The following CABIN1 variants were observed in gnomAD, a reference collection of about 807,000 sequenced individuals.
The protein encoded by CABIN1 is calcineurin binding protein 1.
CABIN1 carries 133 observed loss-of-function variants against 227.7 expected under a neutral mutation model. That is an observed-to-expected ratio of 0.58 (90% CI 0.51 to 0.67). The LOEUF (loss-of-function observed/expected upper bound fraction) is 0.67. Ranked by LOEUF, CABIN1 falls within the 30% of genes least tolerant of loss-of-function variation. The probability of loss-of-function intolerance (pLI) is 0.00; values close to 1 mark genes in which losing one functional copy is unlikely to be tolerated. For synonymous variants in CABIN1, 1,086 were observed against 1,155.1 expected, an observed-to-expected ratio of 0.94 and a Z score of 1.21; for missense variants, 2,408 against 2,852.5, an observed-to-expected ratio of 0.84 and a Z score of 3.55.
intron 23 of CABIN1, among the ~76,000 whole-genome samples, chr22:24,089,827 G>C (rs1286370605): frequency 6.6e-6 from 1 of 152,210 alleles, no homozygotes; most frequent in African/African-American, 2.4e-5. Context: ...CAGTTCTCAG[G>C]CAAGGGGAAA....
In CABIN1 at chr22:24,098,038, G is replaced by A; in HGVS notation, c.3963G>A (p.Glu1321=). 1 of 1,614,160 alleles carries A rather than the reference G, an allele frequency of 6.2e-7. No individual in the cohort carries two copies. The highest frequency in any genetic ancestry group is 1.3e-5 in the African/African-American group (1 of 75,022). Residue 1321 remains glutamate (E), a synonymous_variant, in exon 26 of 37, where the codon GAG becomes GAA. Transcript: ENST00000263119. ...GGGAGAAGGCCTGCCTGGTGGACGA[G>A]GACTCCCACTCTTCAGCTGGGACAC... ...SEKEKACLVD[E]DSHSSAGTLP...
chr22:24,156,913 T>A (rs982284837), intron 29 of CABIN1, among the ~76,000 whole-genome samples: 1 of 152,116 alleles, frequency 6.6e-6, no homozygotes, highest in Non-Finnish European at 1.5e-5. Flanking sequence ...CCACGTCTTA[T>A]TTGGCAGGAG....
intron 29 of CABIN1, among the ~76,000 whole-genome samples, chr22:24,158,997 C>T (rs1285637887): frequency 1.3e-5 from 2 of 152,214 alleles, no homozygotes; most frequent in African/African-American, 2.4e-5. Context: ...TGGAATACTA[C>T]TTTTCTGGGC....
chr22:24,029,341 G>T (rs1180106003), intron 1 of CABIN1, among the ~76,000 whole-genome samples: 1 of 152,060 alleles, frequency 6.6e-6, no homozygotes, highest in African/African-American at 2.4e-5. Flanking sequence ...TGAGCTCAAG[G>T]GTTCAAGACC....
In CABIN1 at chr22:24,084,816, C is replaced by T. The variant is rs1258862010; in HGVS notation, c.3117+31C>T. On this transcript the variant is annotated intron_variant, in intron 21 of 36. Transcript: ENST00000263119. ...CCCACAACCTTGAGGACGTGGGGGA[C>T]AGGGCTGGGTCACACTCTTCCGCTC... The T allele has an allele frequency of 1.9e-6, 3 of 1,605,594 alleles. No individual in the cohort carries two copies. In the East Asian group the frequency reaches 6.7e-5, roughly 36 times the overall value.
chr22:24,085,524 A>G (rs1038385237), intron 22 of CABIN1, among the ~76,000 whole-genome samples: 5 of 152,164 alleles, frequency 3.3e-5, no homozygotes, highest in African/African-American at 1.2e-4. Flanking sequence ...TGCTGCTTCC[A>G]CTGCAGGCTT....
rs545285032 is a variant in CABIN1 at position 24,015,431 on chromosome 22, G to A, written c.-75+4064G>A. Among the ~76,000 whole-genome samples, 276 of 149,770 alleles carry A rather than the reference G, an allele frequency of 1.8e-3. 1 individual carries two copies. The highest frequency in any genetic ancestry group is 6.5e-3 in the African/African-American group (264 of 40,850). ...GCTATCTCGGCTCACTGCAAGCTCC[G>A]CCTCCCGGGTTCACGCCGTTCTGCT... On this transcript the variant is annotated intron_variant, in intron 1 of 36. Transcript: ENST00000263119.
intron 30 of CABIN1, 112 bp downstream of exon 30, chr22:24,164,675 A>T: frequency 8.3e-7 from 1 of 1,206,002 alleles, no homozygotes; most frequent in Non-Finnish European, 1.2e-6. Flanking sequence ...ACTGGCTGGG[A>T]GCCTGGACCA....
At chr22:24,096,870 C>T (rs1006134084) in intron 25 of CABIN1, among the ~76,000 whole-genome samples, 4 of 152,232 alleles carry the variant, frequency 2.6e-5, no homozygotes, top group South Asian at 2.1e-4. Flanking sequence ...GGGCACTGTG[C>T]GAAATTCAGC....
At chr22:24,076,105 C>A in intron 18 of CABIN1, 64 bp from the exon 19 acceptor site, 1 of 1,169,344 alleles carries the variant, frequency 8.6e-7, no homozygotes, top group Non-Finnish European at 1.3e-6. Context: ...CTGAGCCTCG[C>A]AGCCCCTGCA....
At chr22:24,011,576 C>CT in intron 1 of CABIN1, 1 of 152,376 alleles carries the variant, frequency 6.6e-6, no homozygotes. Flanking sequence ...CTCTCGCCGC[C>CT]GCCCTGAGGT....
Position 24,177,606 on chromosome 22 carries a change from C to T in CABIN1, c.6308C>T (p.Ala2103Val), listed in dbSNP as rs542688911. 14 of 1,611,816 alleles carry T rather than the reference C, an allele frequency of 8.7e-6. No individual in the cohort carries two copies. In the African/African-American group the frequency reaches 1.6e-4, roughly 18 times the overall value. ...CCCCCAACAGCTGCCAGCTCCAAGG[C>T]CCCCAGCAGTGGGAGTGCCCAGCCA... ...SSPPTAASSK[A>V]PSSGSAQPPE... The change falls in exon 36 of 37, where the codon GCC becomes GTC. Residue 2103 changes from alanine (A) to valine (V), a missense_variant. Around this residue, in one of 3 missense-constraint regions of CABIN1, gnomAD observed 714 missense variants for 773.8 expected, o/e 0.92. Coordinates refer to ENST00000263119, the MANE Select transcript of CABIN1 (RefSeq NM_012295.4). This position sits in a 1 kb window ranked among gnomAD's most constrained non-coding sequence, Gnocchi z 4.4.
At chr22:24,062,606 A>G (rs878866507) in intron 13 of CABIN1, among the ~76,000 whole-genome samples, 1 of 151,858 alleles carries the variant, frequency 6.6e-6, no homozygotes, top group Non-Finnish European at 1.5e-5. Context: ...TAATCCGCCC[A>G]CCTCAGCCTC....
At chr22:24,064,512 G>GTTTTTTTTTTTTTTTTTT (rs782268156) in intron 15 of CABIN1, among the ~76,000 whole-genome samples, 2 of 106,900 alleles carry the variant, frequency 1.9e-5, no homozygotes, top group Non-Finnish European at 1.8e-5. Flanking sequence ...CAGCTGAAAG[G>GTTTTTTTTTTTTTTTTTT]TTTTTTTTTT....
chr22:24,058,535 G>A (rs1488330905), intron 10 of CABIN1, among the ~76,000 whole-genome samples: 2 of 152,188 alleles, frequency 1.3e-5, no homozygotes, highest in Non-Finnish European at 2.9e-5. Flanking sequence ...CCCCAGTCCC[G>A]AGACTGGGCC....
At chr22:24,124,150 A>G (rs1160759642) in intron 28 of CABIN1, among the ~76,000 whole-genome samples, 1 of 152,226 alleles carries the variant, frequency 6.6e-6, no homozygotes, top group Non-Finnish European at 1.5e-5. Context: ...GAACTCTTGG[A>G]GGTCCAGGGC....
Position 24,166,880 on chromosome 22 carries a change from A to G in CABIN1, c.5249A>G (p.Lys1750Arg), listed in dbSNP as rs557219905. The part of the protein sequence containing the change: ...SADQSGERKD[K>R]ESPRAGPTEP... ...GACCAAAGCGGGGAGCGGAAGGATA[A>G]AGAGAGCCCACGGGCAGGGCCCACT... Residue 1750 changes from lysine (K) to arginine (R), a missense_variant, in exon 32 of 37, where the codon AAA (lysine) becomes AGA (arginine). By Grantham distance (26) the Lys-to-Arg change is conservative. This residue lies in a region of CABIN1 where 714 missense variants were observed against 773.8 expected (regional missense o/e 0.92). Coordinates refer to ENST00000263119, the MANE Select transcript of CABIN1 (RefSeq NM_012295.4). The G allele has an allele frequency of 1.9e-6, 3 of 1,611,354 alleles. No homozygotes were observed. The highest frequency in any genetic ancestry group is 4.5e-5 in the East Asian group (2 of 44,816).
intron 7 of CABIN1, 39 bp from the exon 8 acceptor site, chr22:24,050,786 T>C: frequency 6.2e-7 from 1 of 1,613,790 alleles, no homozygotes; most frequent in Non-Finnish European, 8.5e-7. Flanking sequence ...AGTTTTAGTT[T>C]GTAACATGAT....
intron 18 of CABIN1, among the ~76,000 whole-genome samples, chr22:24,074,980 G>T (rs541061652): frequency 6.6e-6 from 1 of 152,154 alleles, no homozygotes; most frequent in Non-Finnish European, 1.5e-5. Flanking sequence ...ATTACATGGG[G>T]CCAGGAGTTT....
Sources: gnomAD v4.1 joint callset for allele counts (sites outside exome capture counted in the v4.1 genomes callset) on GRCh38, gnomAD v4.1.1 for gene constraint, gnomAD v4.1.1 regional missense constraint, Gnocchi (gnomAD v3.1) non-coding constraint, MANE v1.5 for transcripts, NCBI Gene and HGNC (gene_info 2026-07-23, HGNC 2026-07-21) for gene names.